The following COL4A2 variants were observed in gnomAD, a reference collection of about 807,000 sequenced individuals.
COL4A2 encodes the protein collagen type IV alpha 2 chain.
A neutral mutation model predicts 200.2 loss-of-function variants in COL4A2; 99 were observed. The ratio of observed to expected loss-of-function variants is 0.49; its 90% CI spans 0.42 to 0.58. COL4A2 has a LOEUF of 0.58. COL4A2 is among the 20% of genes least tolerant of loss of function. The pLI is 0.00. For synonymous variants in COL4A2, 897 were observed against 900.6 expected (o/e 1.00, Z 0.07); for missense variants, 1,950 against 2,314.1 (o/e 0.84, Z 3.23).
At chr13:110,492,025 C>A in intron 37 of COL4A2, 45 bp from the exon 38 acceptor site, 1 of 1,517,932 alleles carries the variant, frequency 6.6e-7, no homozygotes. Context: ...ACACAGCGCC[C>A]AAGGTGTCCT....
intron 4 of COL4A2, among the ~76,000 whole-genome samples, chr13:110,394,571 C>G (rs975917667): frequency 7.2e-5 from 11 of 152,208 alleles, no homozygotes; most frequent in African/African-American, 2.7e-4. Context: ...TTTCCTAACT[C>G]GTGCAATTAC....
intron 3 of COL4A2, among the ~76,000 whole-genome samples, chr13:110,351,044 C>A (rs1350557147): frequency 6.6e-6 from 1 of 151,924 alleles, no homozygotes; most frequent in African/African-American, 2.4e-5. Context: ...TTCTTTCTTT[C>A]TTTATTTTTA....
intron 3 of COL4A2, among the ~76,000 whole-genome samples, chr13:110,314,936 A>C (rs1434124326): frequency 1.3e-5 from 2 of 152,090 alleles, no homozygotes; most frequent in Non-Finnish European, 2.9e-5. Context: ...TGGCAGTGGG[A>C]TTCAGAGTCC....
chr13:110,429,794 A>C (rs556283355), intron 7 of COL4A2, 91 bp from the exon 8 acceptor site: 42 of 1,305,060 alleles, frequency 3.2e-5, no homozygotes, highest in Non-Finnish European at 4.5e-5. Context: ...CACAAAAGTC[A>C]ATGTTCAGTC....
At chr13:110,381,167 G>A (rs896323876) in intron 4 of COL4A2, among the ~76,000 whole-genome samples, 14 of 148,466 alleles carry the variant, frequency 9.4e-5, no homozygotes, top group South Asian at 4.3e-4. Flanking sequence ...TCACATCCAC[G>A]GGCTCTATCT....
intron 35 of COL4A2, 22 bp downstream of exon 35, chr13:110,489,530 A>T: frequency 6.2e-7 from 1 of 1,613,952 alleles, no homozygotes; most frequent in Non-Finnish European, 8.5e-7. Context: ...CCGTCCAGTG[A>T]AAACAGGGAG....
At chr13:110,428,211 C>A (rs1594208489) in intron 6 of COL4A2, among the ~76,000 whole-genome samples, 1 of 152,196 alleles carries the variant, frequency 6.6e-6, no homozygotes, top group African/African-American at 2.4e-5. Context: ...ACAGAAGAAA[C>A]CCCGACAGTG....
At chr13:110,449,185 T>C (rs1368975806) in intron 18 of COL4A2, among the ~76,000 whole-genome samples, 1 of 152,190 alleles carries the variant, frequency 6.6e-6, no homozygotes. Flanking sequence ...CCAATTATAG[T>C]CTAGAAAAAA....
rs778309162 is a variant in COL4A2 at position 110,462,108 on chromosome 13, C to T, written c.1597-6C>T. The T allele has an allele frequency of 9.3e-6, 15 of 1,614,014 alleles. No individual in the cohort carries two copies. The highest frequency in any genetic ancestry group is 5.0e-5 in the Admixed American group (3 of 59,966). ...AGGAAGATATTTTTTTGTCTGTTTT[C>T]CACAGGGAGTGCCTGGCAACATTGG... On this transcript the variant is annotated splice_region_variant and splice_polypyrimidine_tract_variant and intron_variant, in intron 22 of 47. Coordinates refer to ENST00000360467, the MANE Select transcript of COL4A2 (RefSeq NM_001846.4).
chr13:110,451,305 C>G lies in COL4A2; in HGVS notation c.1339+851C>G, dbSNP rs10161944. Among the ~76,000 whole-genome samples the G allele has an allele frequency of 6.4e-3, 968 of 152,294 alleles. 10 individuals are homozygous for G. The highest frequency in any genetic ancestry group is 0.02 in the African/African-American group (822 of 41,562). ...CCCACGGGCCACATGCGGCCCAGGA[C>G]GGCTTCAAATACAGCCCAACAAAAT... On this transcript the variant is annotated intron_variant, in intron 20 of 47. Transcript: ENST00000360467.
chr13:110,446,417 A>G (rs568345501), intron 17 of COL4A2, among the ~76,000 whole-genome samples: 1 of 152,300 alleles, frequency 6.6e-6, no homozygotes, highest in South Asian at 2.1e-4. Flanking sequence ...CTTACGACAC[A>G]GATGGCGCTC....
At chr13:110,478,961 G>T (rs1882798124) in intron 30 of COL4A2, among the ~76,000 whole-genome samples, 1 of 152,206 alleles carries the variant, frequency 6.6e-6, no homozygotes, top group Non-Finnish European at 1.5e-5. Context: ...AGCAGATCTT[G>T]GTAGGGAACT....
intron 21 of COL4A2, chr13:110,458,245 G>T: frequency 2.4e-6 from 1 of 410,284 alleles, no homozygotes; most frequent in Non-Finnish European, 4.9e-6. Context: ...AACCCCTGCC[G>T]CCAGCATGGT....
intron 28 of COL4A2, among the ~76,000 whole-genome samples, chr13:110,470,760 C>G (rs141904230): frequency 8.7e-4 from 133 of 152,284 alleles, no homozygotes; most frequent in South Asian, 7.1e-3. Flanking sequence ...CTGCCCCTCC[C>G]CTGACCTCCA....
intron 4 of COL4A2, among the ~76,000 whole-genome samples, chr13:110,408,112 A>G (rs1879640082): frequency 6.6e-6 from 1 of 152,158 alleles, no homozygotes; most frequent in South Asian, 2.1e-4. Flanking sequence ...CAAAACTCCA[A>G]TGTTGAGCAG....
intron 17 of COL4A2, among the ~76,000 whole-genome samples, chr13:110,446,434 G>A (rs1285514436): frequency 6.6e-6 from 1 of 152,136 alleles, no homozygotes; most frequent in Non-Finnish European, 1.5e-5. Context: ...GCTCCACGGG[G>A]GTCCTGCGGC....
chr13:110,436,237 A>G, intron 12 of COL4A2, 32 bp from the exon 13 acceptor site: 1 of 1,612,570 alleles, frequency 6.2e-7, no homozygotes, highest in East Asian at 2.2e-5. Context: ...CTTTCGATTT[A>G]AAGACAACTG....
chr13:110,323,669 C>T (rs1292079157), intron 3 of COL4A2, among the ~76,000 whole-genome samples: 1 of 152,138 alleles, frequency 6.6e-6, no homozygotes, highest in African/African-American at 2.4e-5. Flanking sequence ...AAGGGGCTTC[C>T]TCCTCCACAC....
At chr13:110,313,191 C>T (rs1312039902) in intron 3 of COL4A2, among the ~76,000 whole-genome samples, 1 of 152,138 alleles carries the variant, frequency 6.6e-6, no homozygotes, top group Admixed American at 6.5e-5. Flanking sequence ...GGGCAGAGTT[C>T]CTGGATAGTC....
Sources: gnomAD v4.1 joint callset for allele counts (sites outside exome capture counted in the v4.1 genomes callset) on GRCh38, gnomAD v4.1.1 for gene constraint, MANE v1.5 for transcripts, NCBI Gene and HGNC (gene_info 2026-07-23, HGNC 2026-07-21) for gene names.